Variants in CHRNB3 observed in about 807,000 individuals in gnomAD.
CHRNB3 encodes cholinergic receptor nicotinic beta 3 subunit.
CHRNB3 carries 37 observed loss-of-function variants against 40.6 expected under a neutral mutation model. The observed-to-expected ratio is 0.91, with a 90% CI of 0.70 to 1.20. The LOEUF (loss-of-function observed/expected upper bound fraction) is 1.20. Ranked by LOEUF, CHRNB3 falls within the 50% of genes most tolerant of loss-of-function variation. The pLI is 0.00. For missense variants in CHRNB3, 505 were observed against 551.2 expected (o/e 0.92, Z 0.84); for synonymous variants, 207 against 207.1 (o/e 1.00, Z 0.00).
At chr8:42,698,603 CAA>C (rs1333855419) in intron 1 of CHRNB3, among the ~76,000 whole-genome samples, 12 of 152,142 alleles carry the variant, frequency 7.9e-5, no homozygotes, top group African/African-American at 2.9e-4. Context: ...ACCAAGGACT[CAA>C]AGTCAAACAG....
At chr8:42,702,334 T>C (rs1815822590) in intron 1 of CHRNB3, among the ~76,000 whole-genome samples, 1 of 152,176 alleles carries the variant, frequency 6.6e-6, no homozygotes, top group Admixed American at 6.5e-5. Context: ...AGAGCTTCTC[T>C]GCACCACCCA....
intron 1 of CHRNB3, among the ~76,000 whole-genome samples, chr8:42,706,710 C>T (rs1586393578): frequency 1.3e-5 from 2 of 152,174 alleles, no homozygotes; most frequent in South Asian, 4.1e-4. Context: ...GCTGGCTGCT[C>T]CCAGTGCTGC....
intron 1 of CHRNB3, among the ~76,000 whole-genome samples, chr8:42,701,545 TAAAAAATAA>T (rs1178107409): frequency 6.6e-6 from 1 of 152,036 alleles, no homozygotes; most frequent in Non-Finnish European, 1.5e-5. Context: ...CTGTCTCTAT[TAAAAAATAA>T]AAAGAATAAA....
intron 1 of CHRNB3, among the ~76,000 whole-genome samples, chr8:42,702,314 T>C (rs1815822190): frequency 6.6e-6 from 1 of 152,102 alleles, no homozygotes; most frequent in South Asian, 2.1e-4. Flanking sequence ...TAAACATTTA[T>C]TTATTTATCA....
At chr8:42,710,527 C>T in intron 3 of CHRNB3, 93 bp downstream of exon 3, 1 of 984,032 alleles carries the variant, frequency 1.0e-6, no homozygotes, top group Non-Finnish European at 1.6e-6. Context: ...TTTAAGAGGG[C>T]ATATTGTGTT....
intron 3 of CHRNB3, among the ~76,000 whole-genome samples, chr8:42,718,350 T>C (rs1056896428): frequency 3.3e-5 from 5 of 152,042 alleles, no homozygotes; most frequent in Non-Finnish European, 2.9e-5. Flanking sequence ...CTTATTATCT[T>C]TTGGTCCTAT....
intron 5 of CHRNB3, among the ~76,000 whole-genome samples, chr8:42,733,100 C>A (rs559370447): frequency 6.6e-6 from 1 of 151,578 alleles, no homozygotes; most frequent in Non-Finnish European, 1.5e-5. Context: ...GAGGCCAAAG[C>A]GGGTGTATCA....
chr8:42,731,571 G>T, intron 4 of CHRNB3, 96 bp from the exon 5 acceptor site: 1 of 1,337,384 alleles, frequency 7.5e-7, no homozygotes, highest in Non-Finnish European at 1.0e-6. Context: ...GAAAAGAAAA[G>T]AAAAGTCATA....
At chr8:42,727,272 C>G (rs1255458744) in intron 3 of CHRNB3, among the ~76,000 whole-genome samples, 2 of 150,208 alleles carry the variant, frequency 1.3e-5, no homozygotes, top group African/African-American at 4.9e-5. Context: ...ACTTGGGAGG[C>G]TGAAGCATGA....
chr8:42,732,587 G>T (rs755919110), intron 5 of CHRNB3, 38 bp downstream of exon 5: 3 of 1,522,232 alleles, frequency 2.0e-6, no homozygotes, highest in Non-Finnish European at 2.6e-6. Flanking sequence ...CTGCCGTAAA[G>T]GTAGGCCAAA....
At chr8:42,712,946 C>G (rs1816043190) in intron 3 of CHRNB3, among the ~76,000 whole-genome samples, 1 of 149,002 alleles carries the variant, frequency 6.7e-6, no homozygotes, top group Admixed American at 6.8e-5. Context: ...GCTGCAGCCT[C>G]TGCCTCCTGG....
chr8:42,726,408 G>A lies in CHRNB3; in HGVS notation c.250-4186G>A, dbSNP rs138563306. Among the ~76,000 whole-genome samples the A allele has an allele frequency of 5.6e-4, 85 of 151,968 alleles. 1 individual carries two copies. Among genetic ancestry groups the A allele is most frequent in the Middle Eastern group, 3.4e-3 (1 of 294 alleles). ...AGGTAAGCCAGGTCACAGGACATAC[G>A]GTCAAAATGCAAAAGTAGATTGTAT... On this transcript the variant is annotated intron_variant, in intron 3 of 5. Transcript: ENST00000289957.
At chr8:42,701,442 G>A (rs992042245) in intron 1 of CHRNB3, among the ~76,000 whole-genome samples, 1 of 151,974 alleles carries the variant, frequency 6.6e-6, no homozygotes, top group Non-Finnish European at 1.5e-5. Flanking sequence ...TACTCGGGAG[G>A]CTGAGGCAGG....
intron 3 of CHRNB3, chr8:42,714,965 C>T (rs1021644314): frequency 6.6e-6 from 1 of 152,122 alleles, no homozygotes; most frequent in Admixed American, 6.6e-5. Context: ...GCTTTGATTC[C>T]TCAGTCTCCG....
In CHRNB3 at chr8:42,725,990, A is replaced by G. The variant is rs554641721; in HGVS notation, c.250-4604A>G. 2.3e-5 allele frequency: 26 copies of G among 1,147,772 alleles called. No individual in the cohort carries two copies. The South Asian group carries it at 2.7e-4, about 12-fold the overall frequency. 71.1% of individuals were successfully genotyped at this position (1,147,772 alleles called of 1,614,324 possible). A position where few individuals can be genotyped will look rare whatever the true frequency, so the allele number is the denominator to read the frequency against. ...AAGGCCAAGGAATGTTTATCTGGCA[A>G]TTCCAAGGTGTGGTTTCACTTCTAG... On this transcript the variant is annotated intron_variant, in intron 3 of 5. Coordinates refer to ENST00000289957, the MANE Select transcript of CHRNB3 (RefSeq NM_000749.5).
Position 42,736,802 on chromosome 8 carries a change from C to A in CHRNB3, c.*184C>A. ...CATTTGTGGTTGCCATGAGAGTGAG[C>A]TGCTTTTAAAGAAAGTGGAGCCTCC... On this transcript the variant is annotated 3_prime_UTR_variant, in exon 6 of 6. Transcript: ENST00000289957. 1.4e-6 allele frequency: 1 copy of A among 730,412 alleles called. No individual in the cohort carries two copies. The highest frequency in any genetic ancestry group is 2.2e-6 in the Non-Finnish European group (1 of 449,530). 45.2% of individuals were successfully genotyped at this position (730,412 alleles called of 1,614,324 possible). A position where few individuals can be genotyped will look rare whatever the true frequency, so the allele number is the denominator to read the frequency against.
chr8:42,710,216 G>A lies in CHRNB3; in HGVS notation c.205-174G>A, dbSNP rs910128248. Among the ~76,000 whole-genome samples, 3 of 152,094 alleles carry A rather than the reference G, an allele frequency of 2.0e-5. No individual in the cohort carries two copies. The South Asian group carries it at 6.2e-4, about 32-fold the overall frequency. On this transcript the variant is annotated intron_variant, in intron 2 of 5. Coordinates refer to ENST00000289957, the MANE Select transcript of CHRNB3 (RefSeq NM_000749.5). Reference sequence around the variant, plus strand: ...TGCACTTATAGTCAGCTCCTTGGGGGCTGGGGTGTGAGAATGGCTTGAGCC... The same window carrying A: ...TGCACTTATAGTCAGCTCCTTGGGGACTGGGGTGTGAGAATGGCTTGAGCC...
intron 3 of CHRNB3, among the ~76,000 whole-genome samples, chr8:42,718,027 C>A (rs542251939): frequency 6.7e-6 from 1 of 149,960 alleles, no homozygotes; most frequent in South Asian, 2.1e-4. Flanking sequence ...AAGACAGTTT[C>A]GCCATGTTGG....
chr8:42,730,818 G>A (rs1324369651), intron 4 of CHRNB3, 115 bp downstream of exon 4: 2 of 486,368 alleles, frequency 4.1e-6, no homozygotes, highest in African/African-American at 4.8e-5. Context: ...GGAGGCCGAG[G>A]CGGGTGGATC....
Sources: allele counts gnomAD v4.1 joint callset (sites outside exome capture counted in the v4.1 genomes callset), GRCh38; gene constraint gnomAD v4.1.1; transcripts MANE v1.5; gene names NCBI Gene and HGNC (gene_info 2026-07-23, HGNC 2026-07-21).